The following BICRA variants were observed in gnomAD, a reference collection of about 807,000 sequenced individuals.
The protein encoded by BICRA is BRD4-interacting chromatin-remodeling complex-associated protein.
In BICRA, 31 loss-of-function variants were observed where a neutral mutation model predicts 96.9. The ratio of observed to expected loss-of-function variants is 0.32; its 90% confidence interval spans 0.24 to 0.43. The LOEUF (loss-of-function observed/expected upper bound fraction) is 0.43. Ranked by LOEUF, BICRA falls within the 20% of genes least tolerant of loss-of-function variation. BICRA has a pLI of 1.00. For synonymous variants in BICRA, 1,350 were observed against 1,071.8 expected (o/e 1.26, Z -5.07); for missense variants, 2,283 against 2,190.3 (o/e 1.04, Z -0.84).
At chr19:47,649,823 G>C (rs1239878783) in intron 1 of BICRA, among the ~76,000 whole-genome samples, 2 of 152,152 alleles carry the variant, frequency 1.3e-5, no homozygotes, top group African/African-American at 2.4e-5. Context: ...AGATTATTGA[G>C]TACTCAAAGT....
intron 1 of BICRA, among the ~76,000 whole-genome samples, chr19:47,644,963 G>A (rs2123540276): frequency 6.6e-6 from 1 of 152,298 alleles, no homozygotes; most frequent in East Asian, 1.9e-4. Flanking sequence ...AACGATTTGA[G>A]AGTAGGAATG....
Position 47,659,685 on chromosome 19 carries a change from TACACACACACAC to T in BICRA, c.-107-10721_-107-10710del, listed in dbSNP as rs10567798. 4.9e-3 allele frequency among the ~76,000 whole-genome samples: 651 copies of T among 132,502 alleles called. 7 individuals carry two copies. Among genetic ancestry groups the T allele is most frequent in the African/African-American group, 0.016 (555 of 35,754 alleles). 86.9% of individuals were successfully genotyped at this position (132,502 alleles called of 152,430 possible). A position where few individuals can be genotyped will look rare whatever the true frequency, so the allele number is the denominator to read the frequency against. On this transcript the variant is annotated intron_variant, in intron 1 of 14. Transcript: ENST00000594866. ...CTGTGCAGCTGTACATGGTGGTGCATACACACACACACACACACACACACACACACACACACA... is the reference window on the plus strand; with the variant it reads ...CTGTGCAGCTGTACATGGTGGTGCATACACACACACACACACACACACACA...
At chr19:47,654,150 C>T (rs1422780966) in intron 1 of BICRA, among the ~76,000 whole-genome samples, 2 of 152,160 alleles carry the variant, frequency 1.3e-5, no homozygotes, top group Non-Finnish European at 2.9e-5. Context: ...ACAGTCCTAC[C>T]GACAGTGAGT....
intron 7 of BICRA, among the ~76,000 whole-genome samples, chr19:47,685,697 G>T (rs1973134647): frequency 6.6e-6 from 1 of 150,748 alleles, no homozygotes; most frequent in Admixed American, 6.6e-5. Flanking sequence ...CCTGCACTCG[G>T]AAGGAACTCT....
rs772621669 is a variant in BICRA, at chr19:47,701,803, C to G, written c.4071C>G (p.Gly1357=). 1 of 1,537,970 alleles carries G rather than the reference C, an allele frequency of 6.5e-7. No homozygotes were observed. Among genetic ancestry groups the G allele is most frequent in the Admixed American group, 2.0e-5 (1 of 50,636 alleles). Residue 1357 remains glycine, a synonymous_variant, in exon 15 of 15, where the codon GGC becomes GGG. Transcript: ENST00000594866. This position sits in a 1 kb window ranked among gnomAD's most constrained non-coding sequence, Gnocchi z 5.4. ...PRPPPPPPPT[G]QMNGTVDHPP... ...CGCCACCACCACCGCCGCCCACGGGCCAGATGAACGGCACGGTGGACCACC... is the reference window on the plus strand; with the variant it reads ...CGCCACCACCACCGCCGCCCACGGGGCAGATGAACGGCACGGTGGACCACC...
At chr19:47,674,091 G>A (rs1161396073) in intron 4 of BICRA, among the ~76,000 whole-genome samples, 1 of 152,214 alleles carries the variant, frequency 6.6e-6, no homozygotes, top group Non-Finnish European at 1.5e-5. Flanking sequence ...CCTTTAGATA[G>A]TGTGATCAGA....
intron 1 of BICRA, among the ~76,000 whole-genome samples, chr19:47,613,950 C>A (rs1022788215): frequency 6.6e-6 from 1 of 151,622 alleles, no homozygotes; most frequent in Non-Finnish European, 1.5e-5. Context: ...AGTGTTGGCA[C>A]AAGCAGAGAA....
intron 2 of BICRA, 65 bp from the exon 3 acceptor site, chr19:47,673,505 G>T: frequency 7.6e-7 from 1 of 1,314,186 alleles, no homozygotes; most frequent in South Asian, 1.2e-5. Context: ...AAGGGAGGGG[G>T]CCAGGCAAGC....
At position 47,698,149 on chromosome 19, in the gene BICRA, G is replaced by T. The variant is rs190887124; in HGVS notation, c.3249-485G>T. Among the ~76,000 whole-genome samples, 8 of 152,282 alleles carry T rather than the reference G, an allele frequency of 5.3e-5. No homozygotes were observed. The highest frequency in any genetic ancestry group is 1.9e-4 in the African/African-American group (8 of 41,550). Reference sequence around the variant, plus strand: ...GAGGGTGGAGTTGGGCCTGCCTGGTGGGGGAGACAGTCACACTGCCAACAG... The same window carrying T: ...GAGGGTGGAGTTGGGCCTGCCTGGTTGGGGAGACAGTCACACTGCCAACAG... On this transcript the variant is annotated intron_variant, in intron 11 of 14. Coordinates refer to ENST00000594866, the MANE Select transcript of BICRA (RefSeq NM_001394372.1). The surrounding 1 kb of genome is among the most constrained non-coding windows in gnomAD (Gnocchi z 4.8).
chr19:47,689,794 A>G (rs1399223117), intron 7 of BICRA, among the ~76,000 whole-genome samples: 1 of 152,058 alleles, frequency 6.6e-6, no homozygotes, highest in Non-Finnish European at 1.5e-5. Context: ...TTTCTCTCCC[A>G]TTTGTACCCA....
At chr19:47,613,268 G>A (rs1474816310) in intron 1 of BICRA, among the ~76,000 whole-genome samples, 1 of 152,158 alleles carries the variant, frequency 6.6e-6, no homozygotes, top group Non-Finnish European at 1.5e-5. Context: ...GGTCTAGCCA[G>A]CAGCCCAGTT....
At position 47,698,797 on chromosome 19, in the gene BICRA, G is replaced by A; in HGVS notation, c.3397+15G>A. 1 of 1,586,512 alleles carries A rather than the reference G, an allele frequency of 6.3e-7. No homozygotes were observed. Among genetic ancestry groups the A allele is most frequent in the Non-Finnish European group, 8.6e-7 (1 of 1,164,950 alleles). The stretch of plus-strand genomic sequence containing the variant: ...CTACCACAAAGGTGAGGCCTCCCCA[G>A]GACACGGCCCTATATGTCCCAGGGG... On this transcript the variant is annotated intron_variant, in intron 12 of 14. Transcript: ENST00000594866. The surrounding 1 kb of genome is among the most constrained non-coding windows in gnomAD (Gnocchi z 4.8).
At chr19:47,623,566 C>A (rs144443093) in intron 1 of BICRA, among the ~76,000 whole-genome samples, 2 of 152,312 alleles carry the variant, frequency 1.3e-5, no homozygotes, top group African/African-American at 4.8e-5. Flanking sequence ...ATGTTCTCAC[C>A]TCCAGCACAA....
At chr19:47,679,220 G>A (rs1007727831) in intron 5 of BICRA, 101 bp from the exon 6 acceptor site, 13 of 769,482 alleles carry the variant, frequency 1.7e-5, no homozygotes, top group African/African-American at 9.2e-5. Flanking sequence ...TTTCTTGAAC[G>A]TGGCTGCCCT....
At chr19:47,646,453 G>GCA (rs1302797470) in intron 1 of BICRA, among the ~76,000 whole-genome samples, 112 of 151,998 alleles carry the variant, frequency 7.4e-4, no homozygotes, top group African/African-American at 2.4e-3. Context: ...ACGTGTGCGC[G>GCA]CACACACACA....
At chr19:47,693,702 GC>G (rs1177522747) in intron 7 of BICRA, among the ~76,000 whole-genome samples, 4 of 152,140 alleles carry the variant, frequency 2.6e-5, no homozygotes, top group Non-Finnish European at 4.4e-5. Flanking sequence ...TGTGCTCGCC[GC>G]CCGGCCCTCC....
rs1973398158 is a variant in BICRA, at chr19:47,699,087, C to G, written c.3492+28C>G. 3.5e-6 allele frequency: 5 copies of G among 1,412,638 alleles called. No individual in the cohort carries two copies. Among genetic ancestry groups the G allele is most frequent in the Non-Finnish European group, 4.9e-6 (5 of 1,022,344 alleles). The allele number at this position is 1,412,638 out of a possible 1,614,324, so 87.5% of individuals were successfully genotyped here. On this transcript the variant is annotated intron_variant, in intron 13 of 14. Coordinates refer to ENST00000594866, the MANE Select transcript of BICRA (RefSeq NM_001394372.1). The surrounding 1 kb of genome is among the most constrained non-coding windows in gnomAD (Gnocchi z 5.0). ...AGGGTCAGAGTCGCCTTCCTCGCCTCTGGGCTCCTCCTCGCTGGGACACTG... is the reference window on the plus strand; with the variant it reads ...AGGGTCAGAGTCGCCTTCCTCGCCTGTGGGCTCCTCCTCGCTGGGACACTG...
chr19:47,609,693 T>C (rs1347691342), intron 1 of BICRA, among the ~76,000 whole-genome samples: 2 of 151,064 alleles, frequency 1.3e-5, no homozygotes, highest in Non-Finnish European at 3.0e-5. Flanking sequence ...CGGGCGGTGA[T>C]CTCCCGGCCG....
At chr19:47,611,180 C>T (rs1409315407) in intron 1 of BICRA, among the ~76,000 whole-genome samples, 1 of 152,184 alleles carries the variant, frequency 6.6e-6, no homozygotes, top group Admixed American at 6.5e-5. Context: ...CTGTTAAGCC[C>T]TTCTTCTGTC....
Sources: allele counts gnomAD v4.1 joint callset (sites outside exome capture counted in the v4.1 genomes callset), GRCh38; gene constraint gnomAD v4.1.1; non-coding constraint Gnocchi (gnomAD v3.1); transcripts MANE v1.5; gene names NCBI Gene and HGNC (gene_info 2026-07-23, HGNC 2026-07-21).